NELL2: variants seen among roughly 807,000 people sequenced by gnomAD.
NELL2 encodes neural EGFL like 2.
A neutral mutation model predicts 109.6 loss-of-function variants in NELL2; 41 were observed. That is an observed-to-expected ratio of 0.37 (90% confidence interval 0.29 to 0.49). NELL2 has a LOEUF of 0.49. Among genes scored for constraint, NELL2 ranks in the 20% least tolerant of loss-of-function variants. The probability of loss-of-function intolerance (pLI) is 0.98; values close to 1 mark genes in which losing one functional copy is unlikely to be tolerated. For synonymous variants in NELL2, 355 were observed against 344.7 expected, an observed-to-expected ratio of 1.03 and a Z score of -0.33; for missense variants, 900 against 1,008.3, an observed-to-expected ratio of 0.89 and a Z score of 1.45.
intron 3 of NELL2, among the ~76,000 whole-genome samples, chr12:44,815,280 G>C (rs1488103725): frequency 6.6e-6 from 1 of 152,182 alleles, no homozygotes; most frequent in Non-Finnish European, 1.5e-5. Flanking sequence ...CCATGTCCAA[G>C]AAGACAGCTG....
At chr12:44,914,714 A>G (rs1945813579), upstream of NELL2, among the ~76,000 whole-genome samples, 1 of 152,188 alleles carries the variant, frequency 6.6e-6, no homozygotes, top group Non-Finnish European at 1.5e-5. Flanking sequence ...TGGATGTTAA[A>G]TAAAAGTGGA....
chr12:44,651,171 C>A (rs1170944077), intron 13 of NELL2, among the ~76,000 whole-genome samples: 1 of 152,170 alleles, frequency 6.6e-6, no homozygotes, highest in East Asian at 1.9e-4. Flanking sequence ...ACCATCCCTA[C>A]CCCACCCCAC....
intron 15 of NELL2, among the ~76,000 whole-genome samples, chr12:44,536,983 C>G (rs1034921425): frequency 7.6e-5 from 8 of 105,510 alleles, no homozygotes; most frequent in Non-Finnish European, 1.6e-4. Context: ...AAAAACAAAC[C>G]AACAGGCAAA....
At chr12:44,641,689 C>CTTTTTTTTT (rs71093817) in intron 13 of NELL2, among the ~76,000 whole-genome samples, 19 of 80,638 alleles carry the variant, frequency 2.4e-4, no homozygotes, top group Non-Finnish European at 2.9e-4. Context: ...CTAGTTTCTC[C>CTTTTTTTTT]TTTTTTTTTT....
intron 12 of NELL2, among the ~76,000 whole-genome samples, chr12:44,691,590 A>G (rs901790394): frequency 1.3e-5 from 2 of 152,194 alleles, no homozygotes; most frequent in African/African-American, 4.8e-5. Context: ...TGAGGAAGGC[A>G]TGTTGAAAGT....
rs182026283 is a variant in NELL2 at position 44,821,871 on chromosome 12, C to T, written c.185-5735G>A. On this transcript the variant is annotated intron_variant, in intron 2 of 19. Transcript: ENST00000429094. ...TAGCTGGAACTACAAGTGTGCACCA[C>T]CACGCCCGGCTGGTTTTATTTATTT... Among the ~76,000 whole-genome samples, 1,041 of 151,200 alleles carry T rather than the reference C, an allele frequency of 6.9e-3. 19 individuals carry two copies. Among genetic ancestry groups the T allele is most frequent in the African/African-American group, 0.024 (994 of 41,192 alleles).
Position 44,669,480 on chromosome 12 carries a change from TAAAC to T in NELL2, c.1319-3875_1319-3872del, listed in dbSNP as rs200073642. On this transcript the variant is annotated intron_variant, in intron 12 of 19. Transcript: ENST00000429094. ...TCAGTGAAATACAAGCAAACACAGA[TAAAC>T]AATACAAAGAAATCAGGGAAACAAG... Among the ~76,000 whole-genome samples, 1,100 of 151,886 alleles carry T rather than the reference TAAAC, an allele frequency of 7.2e-3. 9 individuals carry two copies. The highest frequency in any genetic ancestry group is 0.021 in the African/African-American group (862 of 41,400).
At chr12:44,607,072 A>G (rs1425961529) in intron 15 of NELL2, 97 bp downstream of exon 15, 11 of 1,026,446 alleles carry the variant, frequency 1.1e-5, no homozygotes, top group East Asian at 2.7e-5. Context: ...CCATGCTTTG[A>G]GAGCCCACTT....
At chr12:44,791,092 T>TAC (rs1358867625) in intron 3 of NELL2, among the ~76,000 whole-genome samples, 401 of 14,452 alleles carry the variant, frequency 0.028, 25 homozygotes, top group African/African-American at 0.065. Flanking sequence ...CATATATATA[T>TAC]ATATGTATAT....
chr12:44,662,062 C>T (rs1011291978), intron 13 of NELL2, among the ~76,000 whole-genome samples: 1 of 152,056 alleles, frequency 6.6e-6, no homozygotes, highest in Non-Finnish European at 1.5e-5. Context: ...AATAATAACA[C>T]CTTCAATGAA....
At chr12:44,883,069 G>A (rs1592702318) in intron 1 of NELL2, among the ~76,000 whole-genome samples, 1 of 147,174 alleles carries the variant, frequency 6.8e-6, no homozygotes, top group African/African-American at 2.5e-5. Flanking sequence ...GGCTGATCTT[G>A]AACTCCTTAT....
At chr12:44,531,587 G>T (rs959759770) in intron 16 of NELL2, among the ~76,000 whole-genome samples, 3 of 152,170 alleles carry the variant, frequency 2.0e-5, no homozygotes, top group Non-Finnish European at 4.4e-5. Flanking sequence ...GTCTGCTGCC[G>T]GCAAAACAGG....
intron 9 of NELL2, among the ~76,000 whole-genome samples, chr12:44,743,094 G>A (rs1303424839): frequency 6.6e-6 from 1 of 152,190 alleles, no homozygotes. Context: ...CAGACTAACA[G>A]CAGATCTCTC....
chr12:44,918,982 AAGAATGAC>A (rs1382589648), upstream of NELL2, among the ~76,000 whole-genome samples: 3 of 152,198 alleles, frequency 2.0e-5, no homozygotes, highest in Non-Finnish European at 4.4e-5. Context: ...TTAACATGCT[AAGAATGAC>A]AGAATGAAAA....
Position 44,688,962 on chromosome 12 carries a change from G to A in NELL2, c.1318+14764C>T, listed in dbSNP as rs183249824. On this transcript the variant is annotated intron_variant, in intron 12 of 19. Coordinates refer to ENST00000429094, the MANE Select transcript of NELL2 (RefSeq NM_001145108.2). ...CCATCACACTACGAAGAAATGCAAA[G>A]GTAAGCAATCTGTTAAGAATAGTGG... Among the ~76,000 whole-genome samples, 694 of 152,266 alleles carry A rather than the reference G, an allele frequency of 4.6e-3. 2 individuals carry two copies. Among genetic ancestry groups the A allele is most frequent in the Non-Finnish European group, 7.7e-3 (524 of 68,022 alleles).
At position 44,815,982 on chromosome 12, in the gene NELL2, T is replaced by C. The variant is rs1004385947; in HGVS notation, c.335+4A>G. 5.6e-6 allele frequency: 9 copies of C among 1,608,864 alleles called. No homozygotes were observed. Among genetic ancestry groups the C allele is most frequent in the Non-Finnish European group, 7.6e-6 (9 of 1,178,656 alleles). ...ACACAGGAAACTCCAGCAACCACAT[T>C]TACCTGTGATCCAAGTGGTGAATTG... On this transcript the variant is annotated splice_donor_region_variant and intron_variant, in intron 3 of 19. Coordinates refer to ENST00000429094, the MANE Select transcript of NELL2 (RefSeq NM_001145108.2).
intron 9 of NELL2, among the ~76,000 whole-genome samples, chr12:44,731,856 C>CTCATAGCTTTAACAAA (rs1400929759): frequency 6.6e-6 from 1 of 151,962 alleles, no homozygotes; most frequent in Admixed American, 6.6e-5. Flanking sequence ...TCTGTTAAAG[C>CTCATAGCTTTAACAAA]TCTTGAACAA....
chr12:44,754,960 T>G (rs1940818676), intron 9 of NELL2, among the ~76,000 whole-genome samples: 1 of 152,218 alleles, frequency 6.6e-6, no homozygotes, highest in African/African-American at 2.4e-5. Flanking sequence ...TTTCCCCCAC[T>G]TTGTGAACCA....
chr12:44,681,691 G>C (rs1469648268), intron 12 of NELL2, among the ~76,000 whole-genome samples: 1 of 152,016 alleles, frequency 6.6e-6, no homozygotes, highest in African/African-American at 2.4e-5. Context: ...TCTTGCGATA[G>C]TTTACTGAGA....
Sources: gnomAD v4.1 joint callset for allele counts (sites outside exome capture counted in the v4.1 genomes callset) on GRCh38, gnomAD v4.1.1 for gene constraint, MANE v1.5 for transcripts, NCBI Gene and HGNC (gene_info 2026-07-23, HGNC 2026-07-21) for gene names.